The following LRRFIP1 variants were observed in gnomAD, a reference collection of about 807,000 sequenced individuals.
LRRFIP1 encodes the protein leucine-rich repeat flightless-interacting protein 1.
LRRFIP1 carries 62 observed loss-of-function variants against 104.4 expected under a neutral mutation model. That is an observed-to-expected ratio of 0.59 (90% confidence interval 0.48 to 0.73). The LOEUF (loss-of-function observed/expected upper bound fraction) is 0.73. Ranked by LOEUF, LRRFIP1 falls within the 30% of genes least tolerant of loss-of-function variation. The pLI, the probability that LRRFIP1 is intolerant of heterozygous loss-of-function variation, is 0.00. For synonymous variants in LRRFIP1, 300 were observed against 299.0 expected, an observed-to-expected ratio of 1.00 and a Z score of -0.03; for missense variants, 796 against 824.5, an observed-to-expected ratio of 0.97 and a Z score of 0.42.
chr2:237,645,842 GACC>G (rs1297432071), intron 1 of LRRFIP1, among the ~76,000 whole-genome samples: 2 of 152,012 alleles, frequency 1.3e-5, no homozygotes, highest in African/African-American at 4.8e-5. Context: ...AGAGAAGGGT[GACC>G]TTTCCCTAGA....
chr2:237,774,121 G>C lies in LRRFIP1; in HGVS notation c.1708-237G>C. ...GTGCCAGCACTGCAGAAACCACCCTGGTGGACGGGGTCAGAGGAAATGGGT... is the reference window on the plus strand; with the variant it reads ...GTGCCAGCACTGCAGAAACCACCCTCGTGGACGGGGTCAGAGGAAATGGGT... On this transcript the variant is annotated intron_variant, in intron 22 of 23. Coordinates refer to ENST00000308482, the MANE Select transcript of LRRFIP1 (RefSeq NM_001137550.2). The C allele has an allele frequency of 6.2e-6, 3 of 484,582 alleles. No individual in the cohort carries two copies. In the East Asian group the frequency reaches 1.1e-4, roughly 18 times the overall value. 30.0% of individuals were successfully genotyped at this position (484,582 alleles called of 1,614,324 possible). A position where few individuals can be genotyped will look rare whatever the true frequency, so the allele number is the denominator to read the frequency against.
chr2:237,691,697 G>A lies in LRRFIP1; in HGVS notation c.97-16847G>A, dbSNP rs904229735. Among the ~76,000 whole-genome samples, 4 of 152,230 alleles carry A rather than the reference G, an allele frequency of 2.6e-5. No individual in the cohort carries two copies. The highest frequency in any genetic ancestry group is 9.6e-5 in the African/African-American group (4 of 41,558). ...CCAGCCCCGGGCAGGTCCCCCCCCG[G>A]AGGGGACCCCCTCTTCGGGTCGACC... On this transcript the variant is annotated intron_variant, in intron 1 of 23. Transcript: ENST00000308482. This position sits in a 1 kb window ranked among gnomAD's most constrained non-coding sequence, Gnocchi z 5.4.
intron 1 of LRRFIP1, among the ~76,000 whole-genome samples, chr2:237,629,086 G>T (rs1043019856): frequency 2.6e-5 from 4 of 152,112 alleles, no homozygotes; most frequent in African/African-American, 9.7e-5. Context: ...ATCATTATTT[G>T]TCCACCTGTA....
intron 5 of LRRFIP1, among the ~76,000 whole-genome samples, chr2:237,720,011 G>C (rs561872650): frequency 1.4e-5 from 2 of 147,792 alleles, no homozygotes; most frequent in Non-Finnish European, 3.0e-5. Context: ...GCAGTGGTGC[G>C]GTTTTGGCTC....
At chr2:237,643,261 C>T (rs1379775803) in intron 1 of LRRFIP1, among the ~76,000 whole-genome samples, 1 of 152,212 alleles carries the variant, frequency 6.6e-6, no homozygotes, top group Non-Finnish European at 1.5e-5. Flanking sequence ...AGAGCTACAC[C>T]ACCCAGAATT....
chr2:237,777,679 C>G lies in LRRFIP1; in HGVS notation c.1813-1743C>G, dbSNP rs191243440. ...ACTGTTAGATGTAGTTTATTGGAAT[C>G]TTTCTGCTTGAGATATATAGTGTTT... On this transcript the variant is annotated intron_variant, in intron 23 of 23. Coordinates refer to ENST00000308482, the MANE Select transcript of LRRFIP1 (RefSeq NM_001137550.2). Among the ~76,000 whole-genome samples the G allele has an allele frequency of 6.8e-4, 104 of 151,968 alleles. 1 individual carries two copies. Among genetic ancestry groups the G allele is most frequent in the African/African-American group, 2.4e-3 (100 of 41,454 alleles).
chr2:237,660,249 G>C (rs879780198), intron 1 of LRRFIP1, among the ~76,000 whole-genome samples: 3 of 152,192 alleles, frequency 2.0e-5, no homozygotes, highest in Non-Finnish European at 2.9e-5. Context: ...ACAGAAAGAA[G>C]TCCAAACTTC....
In LRRFIP1 at chr2:237,711,005, C is replaced by T. The variant is rs1354198541; in HGVS notation, c.183+2375C>T. 3.9e-5 allele frequency among the ~76,000 whole-genome samples: 6 copies of T among 152,146 alleles called. No homozygotes were observed. The highest frequency in any genetic ancestry group is 8.8e-5 in the Non-Finnish European group (6 of 68,018). On this transcript the variant is annotated intron_variant, in intron 2 of 23. Transcript: ENST00000308482. The surrounding 1 kb of genome is among the most constrained non-coding windows in gnomAD (Gnocchi z 4.4). ...GAGCCCAGGAGCCTGAAGCAATGAT[C>T]GGGCCATGATTGTCCCTGTGTGTAG...
chr2:237,707,637 G>A (rs976000342), intron 1 of LRRFIP1, among the ~76,000 whole-genome samples: 11 of 152,162 alleles, frequency 7.2e-5, no homozygotes, highest in African/African-American at 2.7e-4. Flanking sequence ...ATGCCATCGA[G>A]CTTACGGGGC....
chr2:237,720,659 C>T (rs2094505353), intron 5 of LRRFIP1, 113 bp from the exon 6 acceptor site: 2 of 877,558 alleles, frequency 2.3e-6, no homozygotes, highest in African/African-American at 3.3e-5. Flanking sequence ...GGCTGGCCCC[C>T]TCACTGCTGT....
rs574557844 is a variant in LRRFIP1 at position 237,647,273 on chromosome 2, C to T, written c.96+19533C>T. On this transcript the variant is annotated intron_variant, in intron 1 of 23. Coordinates refer to ENST00000308482, the MANE Select transcript of LRRFIP1 (RefSeq NM_001137550.2). ...AGGCCATTGGCGGTGTGCAGGGCCT[C>T]TGCTTACTGTAGTCTCAGTCCCTGC... Among the ~76,000 whole-genome samples, 89 of 151,982 alleles carry T rather than the reference C, an allele frequency of 5.9e-4. 1 individual carries two copies. The highest frequency in any genetic ancestry group is 9.8e-4 in the Admixed American group (15 of 15,270).
At chr2:237,729,365 G>A (rs543920146) in intron 8 of LRRFIP1, among the ~76,000 whole-genome samples, 2 of 152,262 alleles carry the variant, frequency 1.3e-5, no homozygotes, top group Non-Finnish European at 2.9e-5. Context: ...GCACCCCAGG[G>A]CTGAGCTATA....
Position 237,691,824 on chromosome 2 carries a change from TCCGGCGGGGG to T in LRRFIP1, c.97-16715_97-16706del, listed in dbSNP as rs2092782665. Among the ~76,000 whole-genome samples, 2 of 151,908 alleles carry T rather than the reference TCCGGCGGGGG, an allele frequency of 1.3e-5. No individual in the cohort carries two copies. The highest frequency in any genetic ancestry group is 2.9e-5 in the Non-Finnish European group (2 of 67,926). On this transcript the variant is annotated intron_variant, in intron 1 of 23. Transcript: ENST00000308482. This position sits in a 1 kb window ranked among gnomAD's most constrained non-coding sequence, Gnocchi z 5.4. The stretch of plus-strand genomic sequence containing the variant: ...GGGGTCTTTTCCTCCAGGTCCTCTT[TCCGGCGGGGG>T]CCGGAGGGGTGGTGATGGACAGCCC...
Position 237,780,451 on chromosome 2 carries a change from A to AG in LRRFIP1, c.*919_*920insG, listed in dbSNP as rs1041656458. 2.0e-5 allele frequency: 3 copies of AG among 152,168 alleles called. No individual in the cohort carries two copies. Among genetic ancestry groups the AG allele is most frequent in the Non-Finnish European group, 4.4e-5 (3 of 68,034 alleles). The allele number at this position is 152,168 out of a possible 1,614,324, so 9.4% of individuals were successfully genotyped here. On this transcript the variant is annotated 3_prime_UTR_variant, in exon 24 of 24. Coordinates refer to ENST00000308482, the MANE Select transcript of LRRFIP1 (RefSeq NM_001137550.2). ...CATTTTTCTTTCCCTATTTAAAAAAAAAGGTGTTTTCACAGAATGAGTGCA... is the reference window on the plus strand; with the variant it reads ...CATTTTTCTTTCCCTATTTAAAAAAAGAAGGTGTTTTCACAGAATGAGTGCA...
intron 1 of LRRFIP1, among the ~76,000 whole-genome samples, chr2:237,674,213 T>C (rs1262976994): frequency 1.3e-5 from 2 of 152,102 alleles, no homozygotes; most frequent in East Asian, 1.9e-4. Context: ...ATTGGAAATA[T>C]GAACTGGGTG....
chr2:237,631,339 G>A (rs967152544), intron 1 of LRRFIP1, among the ~76,000 whole-genome samples: 1 of 152,236 alleles, frequency 6.6e-6, no homozygotes, highest in African/African-American at 2.4e-5. Flanking sequence ...CTTCTGGGTA[G>A]AAGCAGGACT....
intron 1 of LRRFIP1, among the ~76,000 whole-genome samples, chr2:237,629,702 C>A (rs1317310595): frequency 6.6e-6 from 1 of 152,114 alleles, no homozygotes; most frequent in Non-Finnish European, 1.5e-5. Flanking sequence ...AAACTCCTGG[C>A]CTCAAGTGAT....
intron 1 of LRRFIP1, among the ~76,000 whole-genome samples, chr2:237,700,077 C>T (rs767461496): frequency 9.2e-5 from 14 of 152,222 alleles, no homozygotes; most frequent in East Asian, 1.9e-4. Flanking sequence ...TTGTGCCGTC[C>T]GTTCTTGTCC....
chr2:237,736,928 G>T (rs1308335970), intron 10 of LRRFIP1, among the ~76,000 whole-genome samples: 2 of 152,206 alleles, frequency 1.3e-5, no homozygotes, highest in African/African-American at 4.8e-5. Flanking sequence ...GGCCTTGGGA[G>T]AGAGCCACCC....
Sources: gnomAD v4.1 joint callset for allele counts (sites outside exome capture counted in the v4.1 genomes callset) on GRCh38, gnomAD v4.1.1 for gene constraint, Gnocchi (gnomAD v3.1) non-coding constraint, MANE v1.5 for transcripts, NCBI Gene and HGNC (gene_info 2026-07-23, HGNC 2026-07-21) for gene names.